TMC2: variants seen among roughly 807,000 people sequenced by gnomAD.
The protein encoded by TMC2 is transmembrane channel like 2.
TMC2 carries 102 observed loss-of-function variants against 105.9 expected under a neutral mutation model. The observed-to-expected ratio is 0.96, with a 90% CI of 0.82 to 1.14. The LOEUF (loss-of-function observed/expected upper bound fraction) is 1.14, where lower values mean the gene tolerates loss of function less well. Ranked by LOEUF, TMC2 falls within the 50% of genes most tolerant of loss-of-function variation. TMC2 has a pLI of 0.00. For synonymous variants in TMC2, 402 were observed against 422.8 expected (o/e 0.95, Z 0.60); for missense variants, 1,093 against 1,134.3 (o/e 0.96, Z 0.52).
chr20:2,601,036 T>A, intron 10 of TMC2, among the ~76,000 whole-genome samples: 1 of 137,206 alleles, frequency 7.3e-6, no homozygotes, highest in African/African-American at 2.7e-5. Context: ...ATTAATAGTA[T>A]CCAAAAAAAA....
chr20:2,542,708 T>TTC (rs1197553681), intron 2 of TMC2, among the ~76,000 whole-genome samples: 2 of 150,978 alleles, frequency 1.3e-5, no homozygotes, highest in African/African-American at 4.9e-5. Flanking sequence ...ATTTTTTTTT[T>TTC]TTTTTGACAG....
intron 14 of TMC2, chr20:2,613,747 G>A (rs918133848): frequency 3.7e-6 from 1 of 272,072 alleles, no homozygotes; most frequent in Non-Finnish European, 7.2e-6. Context: ...TCTGGATGAT[G>A]CTTTGAGAAA....
At position 2,594,938 on chromosome 20, in the gene TMC2, C is replaced by T. The variant is rs761808632; in HGVS notation, c.1047C>T (p.Phe349=). ...MAYFMVGVSV[F]GYSLIIVIRS... is the part of the protein sequence containing the mutation. ...ACTTTATGGTGGGGGTCAGCGTGTT[C>T]GGCTACAGCCTGATTATTGTCATTC... The change falls in exon 9 of 20, where the codon TTC becomes TTT. Residue 349 remains phenylalanine (F), a synonymous_variant. Coordinates refer to ENST00000358864, the MANE Select transcript of TMC2 (RefSeq NM_080751.3). The T allele has an allele frequency of 1.1e-5, 18 of 1,613,814 alleles. No individual in the cohort carries two copies. Among genetic ancestry groups the T allele is most frequent in the Non-Finnish European group, 1.5e-5 (18 of 1,179,978 alleles).
intron 11 of TMC2, among the ~76,000 whole-genome samples, chr20:2,609,094 A>G (rs1369977914): frequency 6.6e-6 from 1 of 152,190 alleles, no homozygotes; most frequent in African/African-American, 2.4e-5. Context: ...ATATCTGAGG[A>G]CCGGAAAGTT....
Position 2,641,613 on chromosome 20 carries a change from A to C in TMC2, c.*262A>C. 9 of 417,158 alleles carry C rather than the reference A, an allele frequency of 2.2e-5. No homozygotes were observed. Among genetic ancestry groups the C allele is most frequent in the South Asian group, 4.0e-5 (1 of 24,916 alleles). 25.8% of individuals were successfully genotyped at this position (417,158 alleles called of 1,614,324 possible). The stretch of plus-strand genomic sequence containing the variant: ...AATATCTTGGTTCAGACAGCTCTGA[A>C]CCCCACGCTCACAGTGGTCGACCTT... On this transcript the variant is annotated 3_prime_UTR_variant, in exon 20 of 20. Transcript: ENST00000358864.
chr20:2,538,006 G>A (rs566992031), intron 2 of TMC2, among the ~76,000 whole-genome samples: 2 of 152,206 alleles, frequency 1.3e-5, no homozygotes, highest in African/African-American at 4.8e-5. Flanking sequence ...GGGGAGTGAT[G>A]GGGTTCTGGG....
intron 5 of TMC2, among the ~76,000 whole-genome samples, chr20:2,573,583 C>T (rs1014185359): frequency 8.6e-6 from 1 of 115,620 alleles, no homozygotes; most frequent in Non-Finnish European, 1.7e-5. Context: ...TTTTTTGAGA[C>T]GGAGTCTCAC....
chr20:2,624,126 C>A, intron 16 of TMC2, 145 bp from the exon 17 acceptor site: 1 of 889,686 alleles, frequency 1.1e-6, no homozygotes, highest in Non-Finnish European at 1.6e-6. Flanking sequence ...TTTTTACTTG[C>A]AGTTCATTTG....
At chr20:2,566,538 G>T (rs1481216862) in intron 4 of TMC2, among the ~76,000 whole-genome samples, 1 of 152,196 alleles carries the variant, frequency 6.6e-6, no homozygotes, top group East Asian at 1.9e-4. Flanking sequence ...TCCAAAGCCT[G>T]ATATCTTAGA....
chr20:2,555,293 C>T (rs2085979139), intron 2 of TMC2, among the ~76,000 whole-genome samples: 1 of 151,780 alleles, frequency 6.6e-6, no homozygotes, highest in African/African-American at 2.4e-5. Context: ...GTTGGCCACG[C>T]TGGTCTCGAA....
intron 4 of TMC2, among the ~76,000 whole-genome samples, chr20:2,563,672 C>T (rs1465115799): frequency 6.6e-6 from 1 of 152,110 alleles, no homozygotes; most frequent in African/African-American, 2.4e-5. Flanking sequence ...TTAATTAACT[C>T]GATTTGACAA....
rs184070720 is a variant in TMC2 at position 2,642,235 on chromosome 20, G to A, written c.*884G>A. Among the ~76,000 whole-genome samples, 35 of 152,264 alleles carry A rather than the reference G, an allele frequency of 2.3e-4. No individual in the cohort carries two copies. In the East Asian group the frequency reaches 6.8e-3, roughly 29 times the overall value. ...AATAGATAAATGAATCAAAGTAAAT[G>A]AAAGTGAATGAAAATAAAGGTAAAT... On this transcript the variant is annotated 3_prime_UTR_variant, in exon 20 of 20. Coordinates refer to ENST00000358864, the MANE Select transcript of TMC2 (RefSeq NM_080751.3).
At chr20:2,536,685 C>G in intron 1 of TMC2, 30 bp downstream of exon 1, 1 of 1,563,478 alleles carries the variant, frequency 6.4e-7, no homozygotes, top group Non-Finnish European at 8.7e-7. Context: ...CTGCGGGGCC[C>G]GCCCACAGGG....
intron 17 of TMC2, among the ~76,000 whole-genome samples, chr20:2,634,641 A>C (rs2086628439): frequency 6.6e-6 from 1 of 152,218 alleles, no homozygotes; most frequent in South Asian, 2.1e-4. Flanking sequence ...ATAGCCACCC[A>C]TGAGCATTTT....
intron 5 of TMC2, 119 bp downstream of exon 5, chr20:2,572,388 G>A (rs1600106809): frequency 2.7e-6 from 2 of 731,102 alleles, no homozygotes; most frequent in Admixed American, 2.3e-5. Context: ...CAGAATCCTG[G>A]GTGTGAGGGC....
rs1358187392 is a variant in TMC2 at position 2,536,610 on chromosome 20, G to T, written c.-12G>T. The T allele has an allele frequency of 1.0e-5, 16 of 1,569,374 alleles. No homozygotes were observed. The highest frequency in any genetic ancestry group is 1.9e-5 in the Admixed American group (1 of 52,250). On this transcript the variant is annotated 5_prime_UTR_variant, in exon 1 of 20. Transcript: ENST00000358864. ...CGTGAGCCTGTGCAGGACCCCAGCA[G>T]TGCTGCTGACCATGAGCCACCAGGT... is the stretch of plus-strand genomic sequence containing the variant.
chr20:2,540,383 G>A (rs975755102), intron 2 of TMC2, among the ~76,000 whole-genome samples: 1 of 151,932 alleles, frequency 6.6e-6, no homozygotes, highest in Non-Finnish European at 1.5e-5. Context: ...GGACATGGCC[G>A]GGCACAGTGG....
chr20:2,590,105 T>C (rs1483131845), intron 7 of TMC2, among the ~76,000 whole-genome samples: 1 of 152,102 alleles, frequency 6.6e-6, no homozygotes, highest in East Asian at 1.9e-4. Context: ...TAGCTACAAA[T>C]GTCAATATCA....
chr20:2,586,044 C>G (rs185007087), intron 7 of TMC2, among the ~76,000 whole-genome samples: 40 of 152,282 alleles, frequency 2.6e-4, no homozygotes, highest in Non-Finnish European at 4.7e-4. Context: ...ACATTGAACC[C>G]TCTGGTCCTC....
Sources: gnomAD v4.1 joint callset for allele counts (sites outside exome capture counted in the v4.1 genomes callset) on GRCh38, gnomAD v4.1.1 for gene constraint, MANE v1.5 for transcripts, NCBI Gene and HGNC (gene_info 2026-07-23, HGNC 2026-07-21) for gene names.